The following XNDC1N variants were observed in gnomAD, a reference collection of about 807,000 sequenced individuals.
The protein encoded by XNDC1N is protein XNDC1N.
At chr11:71,884,430 G>T in the XNDC1N span, 1 of 1,599,210 alleles carries the variant, frequency 6.3e-7, no homozygotes. Flanking sequence ...TTCTAATGAT[G>T]AATGTCCTTC....
At chr11:71,865,972 T>C in the XNDC1N span, 7 of 301,298 alleles carry the variant, frequency 2.3e-5, no homozygotes, top group African/African-American at 1.6e-4. Context: ...AAATTATCAG[T>C]TAAAGTTGAA....
the XNDC1N span, among the ~76,000 whole-genome samples, chr11:71,870,208 G>C: frequency 2.0e-5 from 3 of 152,188 alleles, no homozygotes; most frequent in Admixed American, 2.0e-4. Context: ...TTTGGGTGGG[G>C]ACACAGAGCC....
At chr11:71,898,436 G>T in the XNDC1N span, among the ~76,000 whole-genome samples, 2 of 151,864 alleles carry the variant, frequency 1.3e-5, no homozygotes, top group Admixed American at 6.6e-5. Flanking sequence ...GTGAAAGCTC[G>T]TCTCTATTAA....
the XNDC1N span, among the ~76,000 whole-genome samples, chr11:71,909,800 T>A: frequency 6.6e-6 from 1 of 152,168 alleles, no homozygotes; most frequent in African/African-American, 2.4e-5. Flanking sequence ...TGTCCCTTGA[T>A]CTTTTTAGGA....
At chr11:71,903,118 C>T in the XNDC1N span, 1 of 628,914 alleles carries the variant, frequency 1.6e-6, no homozygotes, top group East Asian at 3.0e-5. Context: ...AGACACAATG[C>T]TGGGTATTGG....
chr11:71,919,065 C>A, the XNDC1N span: 29 of 698,358 alleles, frequency 4.2e-5, no homozygotes, highest in Non-Finnish European at 6.5e-5. Context: ...AATCTCACTG[C>A]GCCCAAGGGA....
At chr11:71,905,428 G>C in the XNDC1N span, among the ~76,000 whole-genome samples, 1 of 151,604 alleles carries the variant, frequency 6.6e-6, no homozygotes, top group Non-Finnish European at 1.5e-5. Context: ...ACCCCCCCTA[G>C]AATATTACAA....
the XNDC1N span, among the ~76,000 whole-genome samples, chr11:71,908,239 TTAA>T: frequency 7.9e-5 from 12 of 151,872 alleles, no homozygotes; most frequent in African/African-American, 2.2e-4. Context: ...TTTCAGATTA[TTAA>T]TATTAATAAT....
the XNDC1N span, among the ~76,000 whole-genome samples, chr11:71,880,249 TTAGA>T: frequency 6.6e-6 from 1 of 152,146 alleles, no homozygotes; most frequent in Non-Finnish European, 1.5e-5. Context: ...TTTGGGAAAG[TTAGA>T]TTGATTATTG....
chr11:71,928,575 A>T, the XNDC1N span: 1 of 702,606 alleles, frequency 1.4e-6, no homozygotes. Context: ...TGCTGCAGCC[A>T]GGAAAATACA....
the XNDC1N span, among the ~76,000 whole-genome samples, chr11:71,895,086 A>G: frequency 6.7e-6 from 1 of 149,844 alleles, no homozygotes; most frequent in African/African-American, 2.5e-5. Context: ...TGAGATTCTG[A>G]TTTCCTTGCA....
chr11:71,878,423 T>C, the XNDC1N span: 1 of 1,609,320 alleles, frequency 6.2e-7, no homozygotes, highest in East Asian at 2.2e-5. Context: ...CAACTACTGA[T>C]TCTCTCTAAC....
chr11:71,909,654 T>G, the XNDC1N span, among the ~76,000 whole-genome samples: 1,041 of 152,284 alleles, frequency 6.8e-3, 7 homozygotes, highest in Middle Eastern at 0.034. Context: ...TAACCGCCCT[T>G]GTTGCCCCCT....
the XNDC1N span, among the ~76,000 whole-genome samples, chr11:71,887,220 T>G: frequency 8.8e-3 from 1,339 of 152,202 alleles, no homozygotes; most frequent in African/African-American, 0.031. Flanking sequence ...CCAAAAAGAC[T>G]ATTGACGTCA....
chr11:71,908,316 A>T, the XNDC1N span, among the ~76,000 whole-genome samples: 1 of 151,804 alleles, frequency 6.6e-6, no homozygotes, highest in South Asian at 2.1e-4. Flanking sequence ...AATATCAGGC[A>T]TCATTAATCA....
chr11:71,917,853 C>G, the XNDC1N span: 1 of 667,344 alleles, frequency 1.5e-6, no homozygotes, highest in South Asian at 1.6e-5. Flanking sequence ...AAGGAGGACA[C>G]TCCTCTACTT....
chr11:71,897,382 C>CA, the XNDC1N span, among the ~76,000 whole-genome samples: 2 of 152,152 alleles, frequency 1.3e-5, no homozygotes, highest in African/African-American at 4.8e-5. Context: ...AACTAAACAA[C>CA]AAGAAACCCA....
the XNDC1N span, among the ~76,000 whole-genome samples, chr11:71,882,370 C>T: frequency 6.6e-6 from 1 of 152,054 alleles, no homozygotes; most frequent in African/African-American, 2.4e-5. Context: ...AATCTCGTGC[C>T]TCAGCCAGCC....
chr11:71,888,246 G>A, the XNDC1N span, among the ~76,000 whole-genome samples: 4 of 152,162 alleles, frequency 2.6e-5, no homozygotes, highest in African/African-American at 9.7e-5. Context: ...GACAGGGGTG[G>A]GAAGGCAGCC....
Sources: gnomAD v4.1 joint callset for allele counts (sites outside exome capture counted in the v4.1 genomes callset) on GRCh38, gnomAD v4.1.1 for gene constraint, MANE v1.5 for transcripts, NCBI Gene and HGNC (gene_info 2026-07-23, HGNC 2026-07-21) for gene names.